Variants in RSPO2 observed in about 807,000 individuals in gnomAD.
RSPO2 encodes R-spondin-2.
Under a neutral mutation model 30.9 loss-of-function variants are expected in RSPO2, and 14 were observed. That is an observed-to-expected ratio of 0.45 (90% CI 0.30 to 0.71). RSPO2 has a LOEUF of 0.71. Ranked by LOEUF, RSPO2 falls within the 30% of genes least tolerant of loss-of-function variation. RSPO2 has a pLI of 0.08. For synonymous variants in RSPO2, 107 were observed against 96.4 expected (o/e 1.11, Z -0.64); for missense variants, 264 against 301.9 (o/e 0.87, Z 0.93).
intron 5 of RSPO2, among the ~76,000 whole-genome samples, chr8:107,951,056 G>GT (rs1813229886): frequency 2.2e-5 from 3 of 139,038 alleles, no homozygotes; most frequent in Admixed American, 7.4e-5. Flanking sequence ...TTTTTTTGTT[G>GT]TTGTTGTTGT....
At chr8:108,046,966 G>A (rs892487195) in intron 2 of RSPO2, among the ~76,000 whole-genome samples, 44 of 152,104 alleles carry the variant, frequency 2.9e-4, no homozygotes, top group Admixed American at 7.2e-4. Flanking sequence ...TATCTGAAGT[G>A]GGAAAAAGTC....
intron 2 of RSPO2, among the ~76,000 whole-genome samples, chr8:108,035,196 T>C (rs998578935): frequency 1.3e-5 from 2 of 152,214 alleles, no homozygotes; most frequent in African/African-American, 4.8e-5. Context: ...TGAATTGTAC[T>C]ATTATCTTTG....
chr8:107,945,796 C>T (rs758045965), intron 5 of RSPO2, among the ~76,000 whole-genome samples: 14 of 152,182 alleles, frequency 9.2e-5, no homozygotes, highest in Non-Finnish European at 1.3e-4. Context: ...CATCCTGCAA[C>T]CCTCATTCCT....
intron 2 of RSPO2, among the ~76,000 whole-genome samples, chr8:108,058,285 T>C (rs1378794368): frequency 6.6e-6 from 1 of 152,060 alleles, no homozygotes; most frequent in African/African-American, 2.4e-5. Context: ...GGAATCCAAT[T>C]TACAAGGGAC....
chr8:107,941,616 C>T (rs1263093581), intron 5 of RSPO2, among the ~76,000 whole-genome samples: 1 of 152,116 alleles, frequency 6.6e-6, no homozygotes, highest in Non-Finnish European at 1.5e-5. Context: ...AAATTTGTAT[C>T]ACTATAAGAG....
chr8:107,986,904 A>G (rs1160602282), intron 3 of RSPO2, among the ~76,000 whole-genome samples: 3 of 152,222 alleles, frequency 2.0e-5, no homozygotes, highest in African/African-American at 7.2e-5. Flanking sequence ...TTTATAAACT[A>G]TGAGAAATAA....
At chr8:107,919,074 C>A (rs1280105494) in intron 5 of RSPO2, among the ~76,000 whole-genome samples, 2 of 152,100 alleles carry the variant, frequency 1.3e-5, no homozygotes, top group Non-Finnish European at 2.9e-5. Flanking sequence ...AGCCTTGGAA[C>A]CCCAGCCAGG....
chr8:108,033,272 G>C (rs186052067), intron 2 of RSPO2, among the ~76,000 whole-genome samples: 7 of 152,188 alleles, frequency 4.6e-5, no homozygotes, highest in Admixed American at 4.6e-4. Flanking sequence ...CCAAGGTCCA[G>C]TATGTCATCA....
chr8:108,058,304 C>A (rs896234228), intron 2 of RSPO2, among the ~76,000 whole-genome samples: 1 of 152,038 alleles, frequency 6.6e-6, no homozygotes. Context: ...ACATGAAGGA[C>A]CTCTTCAAGG....
intron 2 of RSPO2, among the ~76,000 whole-genome samples, chr8:108,034,356 T>G (rs1168302678): frequency 6.6e-6 from 1 of 152,214 alleles, no homozygotes; most frequent in East Asian, 1.9e-4. Flanking sequence ...TTGGTTACGG[T>G]GGGTATTCAG....
At chr8:107,928,317 G>C (rs1437401275) in intron 5 of RSPO2, among the ~76,000 whole-genome samples, 2 of 152,150 alleles carry the variant, frequency 1.3e-5, no homozygotes, top group Non-Finnish European at 2.9e-5. Context: ...GTACTGCTTA[G>C]CTGACAAAGT....
intron 5 of RSPO2, among the ~76,000 whole-genome samples, chr8:107,918,627 T>C (rs1812054950): frequency 6.6e-6 from 1 of 152,144 alleles, no homozygotes; most frequent in Non-Finnish European, 1.5e-5. Flanking sequence ...TATTCGAGGA[T>C]ACAAACCCAT....
At position 108,061,127 on chromosome 8, in the gene RSPO2, T is replaced by G. The variant is rs547898175; in HGVS notation, c.94+21418A>C. On this transcript the variant is annotated intron_variant, in intron 2 of 5. Coordinates refer to ENST00000276659, the MANE Select transcript of RSPO2 (RefSeq NM_178565.5). ...GAGGCTAGGAAGAAACTGCATCAAC[T>G]AACAAGCAAAATAACCAGCTAACAT... Among the ~76,000 whole-genome samples, 4 of 151,898 alleles carry G rather than the reference T, an allele frequency of 2.6e-5. No homozygotes were observed. The South Asian group carries it at 8.3e-4, about 32-fold the overall frequency.
chr8:108,074,593 A>G (rs1219763343), intron 2 of RSPO2, among the ~76,000 whole-genome samples: 1 of 152,192 alleles, frequency 6.6e-6, no homozygotes, highest in Non-Finnish European at 1.5e-5. Flanking sequence ...TTTAATATTC[A>G]TTACTTTATT....
At chr8:108,005,572 C>T (rs1006044805) in intron 2 of RSPO2, among the ~76,000 whole-genome samples, 1 of 152,020 alleles carries the variant, frequency 6.6e-6, no homozygotes, top group Non-Finnish European at 1.5e-5. Flanking sequence ...GAAAGGTACT[C>T]GTGAATGTTA....
At chr8:108,008,264 T>C (rs1285002109) in intron 2 of RSPO2, among the ~76,000 whole-genome samples, 1 of 152,214 alleles carries the variant, frequency 6.6e-6, no homozygotes, top group African/African-American at 2.4e-5. Context: ...GCTTTTTTTC[T>C]AATAATCAGA....
chr8:107,919,605 A>G (rs1291810850), intron 5 of RSPO2, among the ~76,000 whole-genome samples: 2 of 152,126 alleles, frequency 1.3e-5, no homozygotes, highest in Non-Finnish European at 1.5e-5. Flanking sequence ...ATTAGCTGGC[A>G]CCAGCCAGTT....
chr8:107,993,273 A>G (rs1030260351), intron 2 of RSPO2, among the ~76,000 whole-genome samples: 2 of 152,318 alleles, frequency 1.3e-5, no homozygotes, highest in Non-Finnish European at 2.9e-5. Flanking sequence ...AACCAGTGAC[A>G]GCTACAAAAG....
intron 5 of RSPO2, among the ~76,000 whole-genome samples, chr8:107,910,929 T>C (rs1811801695): frequency 6.6e-6 from 1 of 152,128 alleles, no homozygotes; most frequent in Non-Finnish European, 1.5e-5. Flanking sequence ...CAATGTAATG[T>C]GCCATAGCAT....
Sources: gnomAD v4.1 joint callset for allele counts (sites outside exome capture counted in the v4.1 genomes callset) on GRCh38, gnomAD v4.1.1 for gene constraint, MANE v1.5 for transcripts, NCBI Gene and HGNC (gene_info 2026-07-23, HGNC 2026-07-21) for gene names.